The following FRY variants were observed in gnomAD, a reference collection of about 807,000 sequenced individuals.
FRY encodes the protein protein furry homolog.
A neutral mutation model predicts 348.4 loss-of-function variants in FRY; 128 were observed. That is an observed-to-expected ratio of 0.37 (90% CI 0.32 to 0.43). The LOEUF (loss-of-function observed/expected upper bound fraction) is 0.43. Ranked by LOEUF, FRY falls within the 20% of genes least tolerant of loss-of-function variation. FRY has a pLI of 1.00. For missense variants in FRY, 2,736 were observed against 3,695.2 expected (o/e 0.74, Z 6.73); for synonymous variants, 1,370 against 1,374.7 (o/e 1.00, Z 0.08).
intron 17 of FRY, among the ~76,000 whole-genome samples, chr13:32,165,231 A>C (rs903878636): frequency 2.0e-5 from 3 of 152,212 alleles, no homozygotes; most frequent in Admixed American, 6.5e-5. Flanking sequence ...CTTCTAAGAT[A>C]ATGCATACAC....
At chr13:32,057,924 T>C (rs917746180) in intron 1 of FRY, among the ~76,000 whole-genome samples, 3 of 151,670 alleles carry the variant, frequency 2.0e-5, no homozygotes, top group East Asian at 1.9e-4. Flanking sequence ...CGCGCCACTA[T>C]ACTCCAGCCT....
At chr13:32,249,343 G>A (rs1886958127) in intron 48 of FRY, among the ~76,000 whole-genome samples, 183 bp from the exon 49 acceptor site, 1 of 150,952 alleles carries the variant, frequency 6.6e-6, no homozygotes, top group South Asian at 2.2e-4. Context: ...AGGAAATGTT[G>A]AAGATGAAAA....
In FRY at chr13:32,078,916, G is replaced by C. The variant is rs1458143272; in HGVS notation, c.153G>C (p.Met51Ile). 3 of 1,613,852 alleles carry C rather than the reference G, an allele frequency of 1.9e-6. No homozygotes were observed. The African/African-American group carries it at 4.0e-5, about 22-fold the overall frequency. Residue 51 changes from methionine to isoleucine, a missense_variant, in exon 2 of 61, where the codon ATG becomes ATC. Coordinates refer to ENST00000542859, the MANE Select transcript of FRY (RefSeq NM_023037.3). ...GTHREKGPPTMLPINVDPDSK... is the reference protein window; with the variant it reads ...GTHREKGPPTILPINVDPDSK... ...ACAGGGAGAAAGGGCCGCCAACCAT[G>C]CTACCCATCAATGTGGACCCAGACA...
intron 28 of FRY, among the ~76,000 whole-genome samples, chr13:32,193,535 G>A (rs959172917): frequency 6.6e-6 from 1 of 150,614 alleles, no homozygotes; most frequent in East Asian, 2.0e-4. Context: ...AACCAAATAC[G>A]TGTATTTTTC....
intron 2 of FRY, among the ~76,000 whole-genome samples, chr13:32,091,095 G>A (rs554429240): frequency 8.5e-4 from 129 of 152,288 alleles, no homozygotes; most frequent in Admixed American, 2.0e-3. Context: ...GTGAAAGGCA[G>A]CATTTATTAT....
intron 58 of FRY, among the ~76,000 whole-genome samples, chr13:32,288,174 C>G (rs1889167900): frequency 6.6e-6 from 1 of 152,162 alleles, no homozygotes; most frequent in South Asian, 2.1e-4. Context: ...CTAGGTTTCA[C>G]CCAAATTGTG....
chr13:32,241,880 A>G (rs969325198), intron 46 of FRY, among the ~76,000 whole-genome samples: 7 of 152,224 alleles, frequency 4.6e-5, no homozygotes, highest in African/African-American at 1.7e-4. Context: ...TGTATATAAT[A>G]TATATTAACT....
At chr13:32,151,648 T>A (rs1489026043) in intron 14 of FRY, among the ~76,000 whole-genome samples, 1 of 152,238 alleles carries the variant, frequency 6.6e-6, no homozygotes, top group Non-Finnish European at 1.5e-5. Context: ...AATTTCCAGG[T>A]AATTGTCTTG....
intron 48 of FRY, 83 bp from the exon 49 acceptor site, chr13:32,249,443 C>T: frequency 3.5e-6 from 5 of 1,426,376 alleles, no homozygotes; most frequent in Non-Finnish European, 4.9e-6. Context: ...AAATAAGCAG[C>T]TCTTGGTTGC....
At chr13:32,061,330 T>C (rs554520452) in intron 1 of FRY, among the ~76,000 whole-genome samples, 2 of 152,292 alleles carry the variant, frequency 1.3e-5, no homozygotes, top group South Asian at 4.1e-4. Context: ...GGAGTAATGC[T>C]TGAGGTGTTA....
At chr13:32,074,336 G>A (rs756471941) in intron 1 of FRY, among the ~76,000 whole-genome samples, 23 of 152,126 alleles carry the variant, frequency 1.5e-4, no homozygotes, top group Non-Finnish European at 2.6e-4. Flanking sequence ...AAATTAGAAC[G>A]TGTTAAAACC....
At chr13:32,212,644 A>G (rs997400749) in intron 35 of FRY, among the ~76,000 whole-genome samples, 2 of 152,236 alleles carry the variant, frequency 1.3e-5, no homozygotes, top group Non-Finnish European at 2.9e-5. Flanking sequence ...CTCAGGGCTT[A>G]GTAAAAACCA....
intron 55 of FRY, among the ~76,000 whole-genome samples, chr13:32,273,712 A>G (rs73450478): frequency 0.012 from 1,897 of 152,302 alleles, 35 homozygotes; most frequent in African/African-American, 0.042. Context: ...TGCTGTCTCA[A>G]GGAGCTCTGA....
chr13:32,061,781 A>G (rs1873955284), intron 1 of FRY, among the ~76,000 whole-genome samples: 1 of 152,202 alleles, frequency 6.6e-6, no homozygotes, highest in Non-Finnish European at 1.5e-5. Context: ...CTTTTCCTTT[A>G]TCAGACAATA....
intron 31 of FRY, among the ~76,000 whole-genome samples, chr13:32,205,378 G>C (rs1054267497): frequency 1.3e-4 from 20 of 152,214 alleles, no homozygotes; most frequent in Admixed American, 9.8e-4. Context: ...TGTCTAAGCT[G>C]TAGTTTGAAA....
At chr13:32,149,243 T>C (rs563298613) in intron 13 of FRY, among the ~76,000 whole-genome samples, 3 of 150,996 alleles carry the variant, frequency 2.0e-5, no homozygotes, top group East Asian at 3.9e-4. Flanking sequence ...ACCCCTGATA[T>C]ATTAAGTAAC....
chr13:32,274,516 AAC>A (rs903577817), intron 55 of FRY, among the ~76,000 whole-genome samples: 2 of 151,724 alleles, frequency 1.3e-5, no homozygotes, highest in African/African-American at 4.9e-5. Flanking sequence ...CATCCTGGCT[AAC>A]ACAGTGAAAC....
chr13:32,289,418 T>C (rs1889223500), intron 58 of FRY, among the ~76,000 whole-genome samples: 1 of 152,230 alleles, frequency 6.6e-6, no homozygotes, highest in South Asian at 2.1e-4. Context: ...CTCTAATTAG[T>C]CATCCATTAC....
chr13:32,182,854 A>T (rs1295790700), intron 23 of FRY, 123 bp from the exon 24 acceptor site: 2 of 682,044 alleles, frequency 2.9e-6, no homozygotes, highest in Non-Finnish European at 5.4e-6. Context: ...GATCAGGGAG[A>T]TTGTGATGTC....
Sources: allele counts gnomAD v4.1 joint callset (sites outside exome capture counted in the v4.1 genomes callset), GRCh38; gene constraint gnomAD v4.1.1; transcripts MANE v1.5; gene names NCBI Gene and HGNC (gene_info 2026-07-23, HGNC 2026-07-21).